The following CAMTA1 variants were observed in gnomAD, a reference collection of about 807,000 sequenced individuals.
CAMTA1 encodes the protein calmodulin-binding transcription activator 1.
A neutral mutation model predicts 170.9 loss-of-function variants in CAMTA1; 27 were observed. The ratio of observed to expected loss-of-function variants is 0.16; its 90% confidence interval spans 0.12 to 0.22. CAMTA1 has a LOEUF of 0.22. Ranked by LOEUF, CAMTA1 falls within the 10% of genes least tolerant of loss-of-function variation. CAMTA1 has a pLI of 1.00. For synonymous variants in CAMTA1, 833 were observed against 891.5 expected (o/e 0.93, Z 1.17); for missense variants, 1,619 against 2,217.2 (o/e 0.73, Z 5.42).
Position 7,682,441 on chromosome 1 carries a change from C to A in CAMTA1, c.2914+4708C>A, listed in dbSNP as rs12119962. Among the ~76,000 whole-genome samples the A allele has an allele frequency of 1.1e-4, 17 of 152,162 alleles. No homozygotes were observed. Among genetic ancestry groups the A allele is most frequent in the Admixed American group, 1.1e-3 (17 of 15,280 alleles). ...GGCCTCTTGGTTTGGCCTTCTGATCCGTCCACGCTCTCTGTGCTAACAGAT... is the reference window on the plus strand; with the variant it reads ...GGCCTCTTGGTTTGGCCTTCTGATCAGTCCACGCTCTCTGTGCTAACAGAT... On this transcript the variant is annotated intron_variant, in intron 11 of 22. Coordinates refer to ENST00000303635, the MANE Select transcript of CAMTA1 (RefSeq NM_015215.4). This position sits in a 1 kb window ranked among gnomAD's most constrained non-coding sequence, Gnocchi z 5.0.
At chr1:6,942,970 G>A (rs1218789729) in intron 3 of CAMTA1, among the ~76,000 whole-genome samples, 4 of 152,200 alleles carry the variant, frequency 2.6e-5, no homozygotes, top group South Asian at 4.1e-4. Flanking sequence ...ACGAGAACAC[G>A]AATGCAGAGG....
intron 3 of CAMTA1, among the ~76,000 whole-genome samples, chr1:6,960,185 G>T (rs1690127501): frequency 6.6e-6 from 1 of 152,206 alleles, no homozygotes; most frequent in Non-Finnish European, 1.5e-5. Context: ...AAGCAATTAT[G>T]ATGATTTTTG....
At chr1:7,398,158 T>G (rs1157944919) in intron 5 of CAMTA1, among the ~76,000 whole-genome samples, 2 of 23,532 alleles carry the variant, frequency 8.5e-5, no homozygotes, top group Non-Finnish European at 8.5e-5. Flanking sequence ...AATATTGCTC[T>G]CTCTCTCTCT....
intron 22 of CAMTA1, among the ~76,000 whole-genome samples, chr1:7,757,938 T>C (rs1267660252): frequency 1.3e-5 from 2 of 152,200 alleles, no homozygotes; most frequent in Admixed American, 6.5e-5. Flanking sequence ...AGGTCCCTTG[T>C]GATAGAGCTG....
chr1:7,539,590 C>T (rs1406054881), intron 6 of CAMTA1, among the ~76,000 whole-genome samples: 3 of 152,238 alleles, frequency 2.0e-5, no homozygotes, highest in African/African-American at 7.2e-5. Flanking sequence ...CATTGCACAG[C>T]ACATGCAGCC....
At chr1:7,101,569 C>A (rs1162054636) in intron 4 of CAMTA1, among the ~76,000 whole-genome samples, 1 of 152,218 alleles carries the variant, frequency 6.6e-6, no homozygotes. Context: ...GGAAGGAAAT[C>A]TTTTCTGGTT....
At chr1:7,459,124 G>A (rs1479635426) in intron 5 of CAMTA1, among the ~76,000 whole-genome samples, 1 of 152,198 alleles carries the variant, frequency 6.6e-6, no homozygotes, top group Non-Finnish European at 1.5e-5. Context: ...GTGTCTGAGC[G>A]AGGACCAGGG....
chr1:7,148,554 G>C (rs1252010604), intron 4 of CAMTA1, among the ~76,000 whole-genome samples: 3 of 152,188 alleles, frequency 2.0e-5, no homozygotes, highest in Non-Finnish European at 4.4e-5. Context: ...TTTACCTATG[G>C]GGGGAGTGGG....
chr1:6,845,245 C>A (rs767880250), intron 3 of CAMTA1, among the ~76,000 whole-genome samples: 18 of 152,164 alleles, frequency 1.2e-4, no homozygotes, highest in Admixed American at 2.0e-4. Flanking sequence ...GGTCCAGGGG[C>A]TTCTGTTCGC....
intron 5 of CAMTA1, among the ~76,000 whole-genome samples, chr1:7,366,755 G>A (rs753171363): frequency 9.2e-5 from 14 of 152,244 alleles, no homozygotes; most frequent in South Asian, 2.1e-4. Flanking sequence ...AGCCTTGTGC[G>A]TTGACAGGAG....
At chr1:7,731,209 T>A (rs2096730648) in intron 11 of CAMTA1, among the ~76,000 whole-genome samples, 1 of 152,086 alleles carries the variant, frequency 6.6e-6, no homozygotes, top group African/African-American at 2.4e-5. Context: ...GCTCCAACAG[T>A]AATTCCTGTT....
intron 5 of CAMTA1, among the ~76,000 whole-genome samples, chr1:7,454,151 G>A (rs2092897553): frequency 6.6e-6 from 1 of 152,332 alleles, no homozygotes; most frequent in African/African-American, 2.4e-5. Flanking sequence ...CTTGGAAGCT[G>A]CCGTTTATTT....
At chr1:7,213,225 A>G (rs536239680) in intron 4 of CAMTA1, among the ~76,000 whole-genome samples, 1 of 152,336 alleles carries the variant, frequency 6.6e-6, no homozygotes, top group South Asian at 2.1e-4. Flanking sequence ...TTTTCCCACC[A>G]GCAATGTACG....
rs527423929 is a variant in CAMTA1, at chr1:7,353,159, G to A, written c.438+103533G>A. 5.9e-5 allele frequency among the ~76,000 whole-genome samples: 9 copies of A among 152,298 alleles called. No individual in the cohort carries two copies. In the South Asian group the frequency reaches 1.2e-3, roughly 21 times the overall value. On this transcript the variant is annotated intron_variant, in intron 5 of 22. Transcript: ENST00000303635. ...TCTCGAAGGCACAGTTTCCTCTTCT[G>A]TAACACAGAGATCATAATTGCACAA...
intron 1 of CAMTA1, among the ~76,000 whole-genome samples, chr1:6,813,820 G>A (rs1388408672): frequency 2.0e-5 from 3 of 152,102 alleles, no homozygotes; most frequent in African/African-American, 7.2e-5. Context: ...ACAGTACCAA[G>A]ACATAGCAAA....
intron 3 of CAMTA1, among the ~76,000 whole-genome samples, chr1:7,004,744 T>C (rs2100681967): frequency 6.6e-6 from 1 of 152,312 alleles, no homozygotes; most frequent in East Asian, 1.9e-4. Context: ...ATTTTTTCAA[T>C]GTTTCCTATT....
chr1:7,480,415 G>T (rs1403750943), intron 6 of CAMTA1, among the ~76,000 whole-genome samples: 1 of 151,780 alleles, frequency 6.6e-6, no homozygotes, highest in Non-Finnish European at 1.5e-5. Context: ...GTGTGTGTGT[G>T]TGAGAGAGAG....
At chr1:7,275,612 G>A (rs898960549) in intron 5 of CAMTA1, among the ~76,000 whole-genome samples, 2 of 151,934 alleles carry the variant, frequency 1.3e-5, no homozygotes, top group African/African-American at 2.4e-5. Flanking sequence ...TAACCTAAGA[G>A]GTGTCAGAAA....
chr1:7,244,553 A>G (rs1481670937), intron 4 of CAMTA1, among the ~76,000 whole-genome samples: 2 of 152,246 alleles, frequency 1.3e-5, no homozygotes, highest in Admixed American at 1.3e-4. Context: ...ATGGAATACT[A>G]TGCAGCCATA....
Sources: gnomAD v4.1 joint callset for allele counts (sites outside exome capture counted in the v4.1 genomes callset) on GRCh38, gnomAD v4.1.1 for gene constraint, Gnocchi (gnomAD v3.1) non-coding constraint, MANE v1.5 for transcripts, NCBI Gene and HGNC (gene_info 2026-07-23, HGNC 2026-07-21) for gene names.